NFIB: variants seen among roughly 807,000 people sequenced by gnomAD.
NFIB encodes nuclear factor 1 B-type.
NFIB carries 11 observed loss-of-function variants against 61.5 expected under a neutral mutation model. The observed-to-expected ratio is 0.18, with a 90% confidence interval of 0.11 to 0.30. NFIB has a LOEUF of 0.30. Among genes scored for constraint, NFIB ranks in the 10% least tolerant of loss-of-function variants. The pLI, the probability that NFIB is intolerant of heterozygous loss-of-function variation, is 1.00. For synonymous variants in NFIB, 260 were observed against 216.5 expected (o/e 1.20, Z -1.76); for missense variants, 471 against 608.9 (o/e 0.77, Z 2.38).
At chr9:14,488,472 C>T in the NFIB span, among the ~76,000 whole-genome samples, 285 of 152,204 alleles carry the variant, frequency 1.9e-3, 1 homozygote, top group African/African-American at 6.6e-3. Context: ...TACAAATTTG[C>T]TTTGTAAAAT....
At chr9:14,119,532 T>C (rs914845901) in intron 8 of NFIB, among the ~76,000 whole-genome samples, 1 of 152,114 alleles carries the variant, frequency 6.6e-6, no homozygotes. Context: ...TTTAAATTGA[T>C]AGACACACAC....
the NFIB span, among the ~76,000 whole-genome samples, chr9:14,471,317 C>T: frequency 6.6e-6 from 1 of 152,182 alleles, no homozygotes; most frequent in African/African-American, 2.4e-5. Context: ...TGCCTCCCCC[C>T]TGAGGTCAGG....
At chr9:14,316,650 T>TGAG (rs2060548218), upstream of NFIB, among the ~76,000 whole-genome samples, 1 of 152,208 alleles carries the variant, frequency 6.6e-6, no homozygotes. Context: ...TCAGAAATTT[T>TGAG]AGGCAACCTC....
At chr9:14,194,411 C>T (rs2048269364) in intron 2 of NFIB, among the ~76,000 whole-genome samples, 1 of 152,086 alleles carries the variant, frequency 6.6e-6, no homozygotes, top group African/African-American at 2.4e-5. Context: ...ACAGAAATAG[C>T]CCTTGACTTT....
chr9:14,446,762 G>A, the NFIB span, among the ~76,000 whole-genome samples: 1 of 152,008 alleles, frequency 6.6e-6, no homozygotes, highest in African/African-American at 2.4e-5. Context: ...TAATTTTAAA[G>A]ACATCACAAG....
chr9:14,204,453 T>C, intron 2 of NFIB: 1 of 1,068,958 alleles, frequency 9.4e-7, no homozygotes, highest in Non-Finnish European at 1.4e-6. Flanking sequence ...CAGAGAGTCA[T>C]CCTCTATAAG....
chr9:14,217,249 C>G (rs1267374713), intron 2 of NFIB, among the ~76,000 whole-genome samples: 1 of 152,176 alleles, frequency 6.6e-6, no homozygotes, highest in Non-Finnish European at 1.5e-5. Context: ...TCACACTTAA[C>G]AGCAGATAGA....
At chr9:14,393,034 T>A (rs2061643182) in intron 1 of NFIB, among the ~76,000 whole-genome samples, 1 of 152,230 alleles carries the variant, frequency 6.6e-6, no homozygotes, top group Non-Finnish European at 1.5e-5. Flanking sequence ...CAAGTCTATT[T>A]TCATTACCAT....
rs67699489 is a variant in NFIB, at chr9:14,346,290, A to ACCCCCCC, written c.109-38777_109-38771dup. On this transcript the variant is annotated intron_variant, in intron 1 of 8. Transcript: ENST00000380934. The stretch of plus-strand genomic sequence containing the variant: ...TCCGCAGTCACACGAGGTAACCGAC[A>ACCCCCCC]CCCCCCCCCCGTAACCTGAGCTAAA... Among the ~76,000 whole-genome samples the ACCCCCCC allele has an allele frequency of 9.7e-4, 86 of 88,316 alleles. 2 individuals are homozygous for ACCCCCCC. The highest frequency in any genetic ancestry group is 3.1e-3 in the South Asian group (6 of 1,940). The allele number at this position is 88,316 out of a possible 152,430, so 57.9% of individuals were successfully genotyped here.
At chr9:14,391,820 C>A (rs1186191361) in intron 1 of NFIB, among the ~76,000 whole-genome samples, 1 of 152,164 alleles carries the variant, frequency 6.6e-6, no homozygotes, top group African/African-American at 2.4e-5. Context: ...GCCTACTTGG[C>A]CCTCTTCCAA....
At position 14,082,668 on chromosome 9, in the gene NFIB, G is replaced by GTT. The variant is rs35029845; in HGVS notation, c.*5639_*5640dup. ...GAGTTTTTTGGTAAACATTTTGCTG[G>GTT]TTTTTTTTTTTTGTTTGTTTCTTTC... On this transcript the variant is annotated 3_prime_UTR_variant, in exon 11 of 11. Transcript: ENST00000380953. The GTT allele has an allele frequency of 0.012, 2,055 of 174,324 alleles. 12 individuals carry two copies. The highest frequency in any genetic ancestry group is 0.028 in the African/African-American group (1,075 of 38,664). The allele number at this position is 174,324 out of a possible 1,614,324, so 10.8% of individuals were successfully genotyped here.
chr9:14,276,161 C>A (rs2057983618), intron 2 of NFIB, among the ~76,000 whole-genome samples: 1 of 152,028 alleles, frequency 6.6e-6, no homozygotes, highest in South Asian at 2.1e-4. Context: ...GAATCAAGCA[C>A]AAATTTTCTT....
At chr9:14,224,805 A>G (rs1249546515) in intron 2 of NFIB, among the ~76,000 whole-genome samples, 1 of 152,194 alleles carries the variant, frequency 6.6e-6, no homozygotes, top group East Asian at 1.9e-4. Context: ...TGTATTTTCC[A>G]TTGTCGTATT....
chr9:14,119,984 G>A (rs1179012195), intron 8 of NFIB, among the ~76,000 whole-genome samples: 1 of 152,216 alleles, frequency 6.6e-6, no homozygotes, highest in Non-Finnish European at 1.5e-5. Context: ...ATCAAACACT[G>A]AGAATGTTTA....
intron 2 of NFIB, among the ~76,000 whole-genome samples, chr9:14,187,509 G>T (rs917943016): frequency 6.6e-6 from 1 of 152,156 alleles, no homozygotes; most frequent in African/African-American, 2.4e-5. Flanking sequence ...CTACACTTAA[G>T]ATCTTCATGA....
chr9:14,503,124 A>ATG, the NFIB span, among the ~76,000 whole-genome samples: 10,412 of 148,112 alleles, frequency 0.07, 385 homozygotes, highest in African/African-American at 0.093. Context: ...ATGTGTGTGT[A>ATG]TGTGTGTGTG....
At chr9:14,290,121 A>G (rs1311670830) in intron 2 of NFIB, among the ~76,000 whole-genome samples, 1 of 152,114 alleles carries the variant, frequency 6.6e-6, no homozygotes, top group Non-Finnish European at 1.5e-5. Flanking sequence ...AGAATCTATC[A>G]TGTCTTTGTA....
At chr9:14,098,957 G>C (rs747852230) in intron 10 of NFIB, among the ~76,000 whole-genome samples, 23 of 152,184 alleles carry the variant, frequency 1.5e-4, no homozygotes, top group Non-Finnish European at 2.5e-4. Context: ...TTGGGGTTGC[G>C]GGTGGATGGA....
At chr9:14,318,834 C>G (rs1207478737), upstream of NFIB, among the ~76,000 whole-genome samples, 1 of 152,118 alleles carries the variant, frequency 6.6e-6, no homozygotes, top group Non-Finnish European at 1.5e-5. Context: ...AGTGCCTGTA[C>G]TTGATGAGAA....
Sources: gnomAD v4.1 joint callset for allele counts (sites outside exome capture counted in the v4.1 genomes callset) on GRCh38, gnomAD v4.1.1 for gene constraint, MANE v1.5 for transcripts, NCBI Gene and HGNC (gene_info 2026-07-23, HGNC 2026-07-21) for gene names.